Variants in LUC7L2 observed in about 807,000 individuals in gnomAD.
LUC7L2 encodes the protein putative RNA-binding protein Luc7-like 2.
LUC7L2 carries 25 observed loss-of-function variants against 52.8 expected under a neutral mutation model. That is an observed-to-expected ratio of 0.47 (90% CI 0.34 to 0.66). LUC7L2 has a LOEUF of 0.66. Ranked by LOEUF, LUC7L2 falls within the 30% of genes least tolerant of loss-of-function variation. LUC7L2 has a pLI of 0.01. For missense variants in LUC7L2, 328 were observed against 497.8 expected, an observed-to-expected ratio of 0.66 and a Z score of 3.25; for synonymous variants, 144 against 160.9, an observed-to-expected ratio of 0.89 and a Z score of 0.80.
intron 1 of LUC7L2, among the ~76,000 whole-genome samples, chr7:139,364,568 G>A (rs190301618): frequency 2.3e-4 from 35 of 152,230 alleles, no homozygotes; most frequent in Admixed American, 7.8e-4. Flanking sequence ...TATTTTTGCT[G>A]ATCAGTTGTA....
chr7:139,383,888 C>T (rs1248080773), intron 2 of LUC7L2, among the ~76,000 whole-genome samples: 1 of 151,584 alleles, frequency 6.6e-6, no homozygotes, highest in Non-Finnish European at 1.5e-5. Flanking sequence ...TGCCCGCTAC[C>T]ATGCCTGGCT....
At chr7:139,367,953 G>T (rs749648947) in intron 1 of LUC7L2, among the ~76,000 whole-genome samples, 5 of 152,206 alleles carry the variant, frequency 3.3e-5, no homozygotes, top group African/African-American at 4.8e-5. Flanking sequence ...AGGGAAAGTG[G>T]CTGTGAGCCT....
chr7:139,352,919 C>T (rs543577106), intron 1 of LUC7L2, among the ~76,000 whole-genome samples: 8 of 152,254 alleles, frequency 5.3e-5, no homozygotes, highest in African/African-American at 9.6e-5. Context: ...AGGCACCGGC[C>T]GGGCACGGTG....
At chr7:139,357,044 T>C (rs1799626449), upstream of LUC7L2, among the ~76,000 whole-genome samples, 2 of 152,216 alleles carry the variant, frequency 1.3e-5, no homozygotes, top group Non-Finnish European at 2.9e-5. Flanking sequence ...TTCCTTGTAT[T>C]ACCTCTCTTG....
chr7:139,372,624 G>A (rs1160108800), intron 1 of LUC7L2, among the ~76,000 whole-genome samples: 1 of 151,856 alleles, frequency 6.6e-6, no homozygotes, highest in Non-Finnish European at 1.5e-5. Flanking sequence ...ATGTTATCTT[G>A]TATTATAACT....
rs978691484 is a variant in LUC7L2 at position 139,359,940 on chromosome 7, G to A, written c.-322G>A. The A allele has an allele frequency of 1.4e-5, 6 of 421,262 alleles. No homozygotes were observed. Among genetic ancestry groups the A allele is most frequent in the African/African-American group, 6.2e-5 (3 of 48,700 alleles). 26.1% of individuals were successfully genotyped at this position (421,262 alleles called of 1,614,324 possible). A position where few individuals can be genotyped will look rare whatever the true frequency, so the allele number is the denominator to read the frequency against. ...GCGGCGAGCGGCGTCAGAGCTTGAG[G>A]GGGGGTTGACGGCTTCTGGCGGGTG... On this transcript the variant is annotated 5_prime_UTR_variant, in exon 1 of 10. Coordinates refer to ENST00000354926, the MANE Select transcript of LUC7L2 (RefSeq NM_016019.5).
chr7:139,409,757 G>T, intron 7 of LUC7L2, 103 bp downstream of exon 7: 1 of 1,391,562 alleles, frequency 7.2e-7, no homozygotes, highest in Non-Finnish European at 9.4e-7. Context: ...GTTATGGGAC[G>T]TGGGAAACTT....
At chr7:139,382,380 C>CTTTA (rs112300470) in intron 2 of LUC7L2, among the ~76,000 whole-genome samples, 43,370 of 151,004 alleles carry the variant, frequency 0.29, 7,500 homozygotes, top group African/African-American at 0.48. Flanking sequence ...TTGTCACAGT[C>CTTTA]TTTATTTATT....
At chr7:139,359,075 T>G (rs574708709), upstream of LUC7L2, 1 of 152,258 alleles carries the variant, frequency 6.6e-6, no homozygotes, top group East Asian at 1.9e-4. Flanking sequence ...AGCCACGCCA[T>G]AGCAGACGTG....
intron 1 of LUC7L2, among the ~76,000 whole-genome samples, chr7:139,350,208 G>T (rs548737673): frequency 2.3e-4 from 35 of 152,010 alleles, no homozygotes; most frequent in Admixed American, 2.2e-3. Flanking sequence ...TGCAAGCTCC[G>T]CCTCCCGGGT....
At chr7:139,398,576 ATT>A in intron 2 of LUC7L2, 21 bp from the exon 3 acceptor site, 4 of 1,576,460 alleles carry the variant, frequency 2.5e-6, no homozygotes, top group Non-Finnish European at 3.4e-6. Flanking sequence ...TTGTTTTAAT[ATT>A]ATGTCTTTTT....
At chr7:139,348,175 A>G (rs868716917) in intron 1 of LUC7L2, among the ~76,000 whole-genome samples, 12 of 150,422 alleles carry the variant, frequency 8.0e-5, no homozygotes, top group South Asian at 2.1e-4. Flanking sequence ...ATAATATACA[A>G]TATTATATAC....
At chr7:139,399,268 T>G (rs1424876703) in intron 3 of LUC7L2, among the ~76,000 whole-genome samples, 6 of 151,886 alleles carry the variant, frequency 4.0e-5, no homozygotes, top group African/African-American at 1.5e-4. Context: ...TACATTGTAT[T>G]AGGTATTATA....
chr7:139,395,442 A>G (rs1376623375), intron 2 of LUC7L2, among the ~76,000 whole-genome samples: 2 of 152,144 alleles, frequency 1.3e-5, no homozygotes, highest in Admixed American at 1.3e-4. Context: ...GGGGGTAAGG[A>G]TTGGAGCCTG....
chr7:139,391,517 T>C (rs563906775), intron 2 of LUC7L2, among the ~76,000 whole-genome samples: 25 of 152,316 alleles, frequency 1.6e-4, no homozygotes, highest in African/African-American at 4.6e-4. Context: ...TACTGTAATA[T>C]GTCTATTCGT....
intron 6 of LUC7L2, among the ~76,000 whole-genome samples, chr7:139,409,316 A>G (rs543728067): frequency 6.7e-6 from 1 of 149,996 alleles, no homozygotes; most frequent in Non-Finnish European, 1.5e-5. Context: ...AAAAAAACAA[A>G]AAAAAAAACC....
chr7:139,373,151 T>C (rs1351735776), intron 1 of LUC7L2, among the ~76,000 whole-genome samples: 1 of 152,256 alleles, frequency 6.6e-6, no homozygotes, highest in Non-Finnish European at 1.5e-5. Context: ...GCCAGATATC[T>C]TGACAGAAAC....
At chr7:139,418,460 T>G (rs184929953) in intron 9 of LUC7L2, among the ~76,000 whole-genome samples, 14 of 152,336 alleles carry the variant, frequency 9.2e-5, no homozygotes, top group Admixed American at 8.5e-4. Context: ...ATGTTTAAAA[T>G]TGCTTTTTTC....
At chr7:139,351,116 C>T (rs906225384) in intron 1 of LUC7L2, among the ~76,000 whole-genome samples, 8 of 152,220 alleles carry the variant, frequency 5.3e-5, no homozygotes, top group African/African-American at 1.9e-4. Context: ...ATCACCTCCA[C>T]TTTCATGACT....
Sources: gnomAD v4.1 joint callset for allele counts (sites outside exome capture counted in the v4.1 genomes callset) on GRCh38, gnomAD v4.1.1 for gene constraint, MANE v1.5 for transcripts, NCBI Gene and HGNC (gene_info 2026-07-23, HGNC 2026-07-21) for gene names.